The following PALLD variants were observed in gnomAD, a reference collection of about 807,000 sequenced individuals.
PALLD encodes the protein palladin, cytoskeletal associated protein.
Under a neutral mutation model 123.5 loss-of-function variants are expected in PALLD, and 61 were observed. That is an observed-to-expected ratio of 0.49 (90% CI 0.40 to 0.61). The LOEUF (loss-of-function observed/expected upper bound fraction) is 0.61, where lower values mean the gene tolerates loss of function less well. Among genes scored for constraint, PALLD ranks in the 20% least tolerant of loss-of-function variants. PALLD has a pLI of 0.00. For synonymous variants in PALLD, 465 were observed against 496.4 expected, an observed-to-expected ratio of 0.94 and a Z score of 0.84; for missense variants, 1,273 against 1,377.0, an observed-to-expected ratio of 0.92 and a Z score of 1.20.
chr4:168,881,518 G>A (rs771826736), intron 10 of PALLD, among the ~76,000 whole-genome samples: 2 of 148,328 alleles, frequency 1.3e-5, no homozygotes, highest in Non-Finnish European at 3.0e-5. Context: ...TCTGTGAGCC[G>A]GAGAGAGGTT....
At chr4:168,913,346 C>G (rs1388282350) in intron 15 of PALLD, among the ~76,000 whole-genome samples, 1 of 151,956 alleles carries the variant, frequency 6.6e-6, no homozygotes, top group Non-Finnish European at 1.5e-5. Flanking sequence ...ACCATATTGG[C>G]CAGGCTGGGC....
At chr4:168,708,648 G>A (rs1784439802) in intron 8 of PALLD, among the ~76,000 whole-genome samples, 1 of 152,070 alleles carries the variant, frequency 6.6e-6, no homozygotes, top group Non-Finnish European at 1.5e-5. Flanking sequence ...GATATAAGAG[G>A]TAGCTGTATG....
intron 10 of PALLD, among the ~76,000 whole-genome samples, chr4:168,763,687 G>A (rs890602375): frequency 6.6e-6 from 1 of 152,158 alleles, no homozygotes; most frequent in Non-Finnish European, 1.5e-5. Context: ...GAACCTCAGG[G>A]CTGCTCTGGG....
intron 17 of PALLD, among the ~76,000 whole-genome samples, chr4:168,918,389 A>G (rs1760705680): frequency 6.6e-6 from 1 of 151,988 alleles, no homozygotes; most frequent in Non-Finnish European, 1.5e-5. Flanking sequence ...TTGTGACAAC[A>G]TGGATGAACC....
intron 17 of PALLD, 87 bp downstream of exon 17, chr4:168,916,114 ATAAAGTATAAAATGAGAG>A: frequency 7.7e-7 from 1 of 1,306,946 alleles, no homozygotes; most frequent in Non-Finnish European, 1.1e-6. Context: ...GGGAAATTAC[ATAAAGTATAAAATGAGAG>A]CTGGGCACAG....
chr4:168,543,227 G>A (rs1045932413), intron 2 of PALLD, among the ~76,000 whole-genome samples: 8 of 152,106 alleles, frequency 5.3e-5, no homozygotes, highest in Middle Eastern at 3.4e-3. Context: ...AAATGGAGAC[G>A]ATACTACTGT....
chr4:168,733,530 T>A (rs1455573653), intron 10 of PALLD, among the ~76,000 whole-genome samples: 1 of 151,500 alleles, frequency 6.6e-6, no homozygotes, highest in Non-Finnish European at 1.5e-5. Context: ...TTAGTGTGCT[T>A]TAGGTGTTAG....
At chr4:168,909,919 C>T (rs1249595761) in intron 15 of PALLD, among the ~76,000 whole-genome samples, 2 of 152,110 alleles carry the variant, frequency 1.3e-5, no homozygotes, top group Non-Finnish European at 2.9e-5. Context: ...AGTTTGGATG[C>T]TCTCTAAATG....
At chr4:168,523,719 C>T (rs567855176) in intron 2 of PALLD, among the ~76,000 whole-genome samples, 11 of 152,284 alleles carry the variant, frequency 7.2e-5, no homozygotes, top group Admixed American at 7.2e-4. Context: ...TGAAAGTTAA[C>T]ACCAGAAGCA....
At chr4:168,763,623 G>A (rs1445758119) in intron 10 of PALLD, among the ~76,000 whole-genome samples, 3 of 152,204 alleles carry the variant, frequency 2.0e-5, no homozygotes, top group African/African-American at 4.8e-5. Context: ...ATGCTGCCCT[G>A]GTACCACAGC....
At position 168,917,474 on chromosome 4, in the gene PALLD, A is replaced by T. The variant is rs570280543; in HGVS notation, c.2850+1447A>T. Among the ~76,000 whole-genome samples the T allele has an allele frequency of 2.6e-5, 4 of 152,330 alleles. 1 individual carries two copies. The highest frequency in any genetic ancestry group is 2.6e-4 in the Admixed American group (4 of 15,308). On this transcript the variant is annotated intron_variant, in intron 17 of 21. Transcript: ENST00000505667. Reference sequence around the variant, plus strand: ...ATCCATTTCTCAAAGGAGTTTAGGGAAAAAATATTTAAGAAACACTGCTCT... The same window carrying T: ...ATCCATTTCTCAAAGGAGTTTAGGGTAAAAATATTTAAGAAACACTGCTCT...
At chr4:168,584,407 A>G (rs1770605937) in intron 2 of PALLD, among the ~76,000 whole-genome samples, 1 of 152,242 alleles carries the variant, frequency 6.6e-6, no homozygotes, top group African/African-American at 2.4e-5. Flanking sequence ...GGCATTAAAC[A>G]AAGAAATGTG....
intron 2 of PALLD, chr4:168,631,700 G>C (rs1775829918): frequency 5.1e-6 from 5 of 985,362 alleles, no homozygotes; most frequent in Non-Finnish European, 6.0e-6. Flanking sequence ...GGAGCCGGCG[G>C]GGCCCAGGAC....
intron 2 of PALLD, among the ~76,000 whole-genome samples, chr4:168,637,665 C>G (rs1038988148): frequency 6.6e-6 from 1 of 152,074 alleles, no homozygotes; most frequent in Non-Finnish European, 1.5e-5. Flanking sequence ...GAGGATTAGC[C>G]AGGCGCAGTG....
At chr4:168,765,904 G>A (rs1032806805) in intron 10 of PALLD, among the ~76,000 whole-genome samples, 11 of 152,246 alleles carry the variant, frequency 7.2e-5, no homozygotes, top group Non-Finnish European at 1.6e-4. Context: ...GAAGAGAAGA[G>A]GGTGTGTCTT....
chr4:168,810,397 G>A (rs1187886139), intron 10 of PALLD, among the ~76,000 whole-genome samples: 2 of 152,176 alleles, frequency 1.3e-5, no homozygotes, highest in South Asian at 2.1e-4. Context: ...GCTCATGCCT[G>A]TAATCCCAGC....
intron 10 of PALLD, among the ~76,000 whole-genome samples, chr4:168,777,937 G>T (rs1434893720): frequency 2.0e-5 from 3 of 152,152 alleles, no homozygotes; most frequent in African/African-American, 4.8e-5. Context: ...GTAATCTCAG[G>T]CTATTTTATA....
intron 10 of PALLD, chr4:168,828,996 T>A (rs1743815765): frequency 6.6e-6 from 1 of 152,236 alleles, no homozygotes; most frequent in African/African-American, 2.4e-5. Context: ...GAAGACTTGA[T>A]CAGAATCTTC....
chr4:168,537,045 C>G (rs759093020), intron 2 of PALLD, among the ~76,000 whole-genome samples: 3 of 152,114 alleles, frequency 2.0e-5, no homozygotes, highest in South Asian at 2.1e-4. Context: ...CCAGGATGGT[C>G]TGATCTCCTG....
Sources: allele counts gnomAD v4.1 joint callset (sites outside exome capture counted in the v4.1 genomes callset), GRCh38; gene constraint gnomAD v4.1.1; transcripts MANE v1.5; gene names NCBI Gene and HGNC (gene_info 2026-07-23, HGNC 2026-07-21).